Variants in FARS2 observed in about 807,000 individuals in gnomAD.
FARS2 encodes phenylalanine--tRNA ligase, mitochondrial.
A neutral mutation model predicts 46.4 loss-of-function variants in FARS2; 40 were observed. That is an observed-to-expected ratio of 0.86 (90% CI 0.67 to 1.12). The LOEUF (loss-of-function observed/expected upper bound fraction) is 1.12. Ranked by LOEUF, FARS2 falls within the 50% of genes most tolerant of loss-of-function variation. The pLI is 0.00. For synonymous variants in FARS2, 234 were observed against 214.9 expected, an observed-to-expected ratio of 1.09 and a Z score of -0.78; for missense variants, 513 against 567.9, an observed-to-expected ratio of 0.90 and a Z score of 0.98.
At chr6:5,617,171 G>C (rs911663680) in intron 6 of FARS2, among the ~76,000 whole-genome samples, 6 of 152,026 alleles carry the variant, frequency 3.9e-5, no homozygotes, top group Admixed American at 6.5e-5. Context: ...TAGAGTATTA[G>C]AAATACTCTT....
chr6:5,737,936 C>T (rs142627879), intron 6 of FARS2, among the ~76,000 whole-genome samples: 4 of 152,224 alleles, frequency 2.6e-5, no homozygotes, highest in East Asian at 1.9e-4. Context: ...CTTCAGAATT[C>T]GTTGTTATTA....
rs529769051 is a variant in FARS2 at position 5,473,315 on chromosome 6, A to G, written c.904+42143A>G. On this transcript the variant is annotated intron_variant, in intron 4 of 6. Coordinates refer to ENST00000274680, the MANE Select transcript of FARS2 (RefSeq NM_006567.5). Reference sequence around the variant, plus strand: ...GCCGAGGTGGGTGGATCACGAGGTCAGGAGATTGAGACCATCCTGGCTAAC... The same window carrying G: ...GCCGAGGTGGGTGGATCACGAGGTCGGGAGATTGAGACCATCCTGGCTAAC... Among the ~76,000 whole-genome samples, 387 of 152,066 alleles carry G rather than the reference A, an allele frequency of 2.5e-3. 3 individuals carry two copies. The highest frequency in any genetic ancestry group is 6.2e-3 in the African/African-American group (256 of 41,488).
At chr6:5,435,323 G>A (rs772212230) in intron 4 of FARS2, among the ~76,000 whole-genome samples, 4 of 152,226 alleles carry the variant, frequency 2.6e-5, no homozygotes, top group Non-Finnish European at 5.9e-5. Context: ...CACCATGTGT[G>A]TTCTCTCCCT....
chr6:5,314,110 AC>A (rs1769277208), intron 1 of FARS2, among the ~76,000 whole-genome samples: 1 of 152,194 alleles, frequency 6.6e-6, no homozygotes, highest in Admixed American at 6.5e-5. Flanking sequence ...AAAGTCTTTA[AC>A]CAGCAGTTCT....
rs116837005 is a variant in FARS2, at chr6:5,389,190, G to A, written c.613-15352G>A. Among the ~76,000 whole-genome samples, 507 of 152,214 alleles carry A rather than the reference G, an allele frequency of 3.3e-3. 5 individuals carry two copies. The highest frequency in any genetic ancestry group is 0.011 in the African/African-American group (468 of 41,518). Reference sequence around the variant, plus strand: ...GCTTGCAGAAATATTTTATGGCTTTGGACATAGCGTCATTCTTGGACAATG... The same window carrying A: ...GCTTGCAGAAATATTTTATGGCTTTAGACATAGCGTCATTCTTGGACAATG... On this transcript the variant is annotated intron_variant, in intron 2 of 6. Coordinates refer to ENST00000274680, the MANE Select transcript of FARS2 (RefSeq NM_006567.5).
chr6:5,336,747 A>AT (rs1771188154), intron 1 of FARS2, among the ~76,000 whole-genome samples: 1 of 151,734 alleles, frequency 6.6e-6, no homozygotes, highest in South Asian at 2.1e-4. Flanking sequence ...CATTCTTCCT[A>AT]TTTTTTCAGA....
At chr6:5,452,606 C>T (rs1017581872) in intron 4 of FARS2, 3 of 152,254 alleles carry the variant, frequency 2.0e-5, no homozygotes, top group South Asian at 2.1e-4. Flanking sequence ...CAGGGCTTCA[C>T]GCACACCTAA....
chr6:5,278,347 T>C (rs749154997), intron 1 of FARS2, among the ~76,000 whole-genome samples: 1 of 152,194 alleles, frequency 6.6e-6, no homozygotes, highest in Non-Finnish European at 1.5e-5. Flanking sequence ...AGCTTGGTAT[T>C]GTTGCCACGA....
chr6:5,278,326 T>C (rs1210377882), intron 1 of FARS2, among the ~76,000 whole-genome samples: 1 of 152,254 alleles, frequency 6.6e-6, no homozygotes, highest in East Asian at 1.9e-4. Context: ...ATAAGGAGGG[T>C]GTGTAGACAG....
chr6:5,552,036 G>C (rs1485877024), intron 5 of FARS2, among the ~76,000 whole-genome samples: 1 of 152,092 alleles, frequency 6.6e-6, no homozygotes, highest in Admixed American at 6.5e-5. Context: ...GTGGAAGGGG[G>C]CTATTATTTA....
intron 1 of FARS2, among the ~76,000 whole-genome samples, chr6:5,367,251 A>G (rs939513434): frequency 6.6e-6 from 1 of 152,260 alleles, no homozygotes. Context: ...ATGAAGTTAC[A>G]TATTTTCTTG....
chr6:5,671,594 G>A (rs778677240), intron 6 of FARS2, among the ~76,000 whole-genome samples: 29 of 152,316 alleles, frequency 1.9e-4, no homozygotes, highest in Non-Finnish European at 3.4e-4. Context: ...CAGTCTGGGC[G>A]TTATTTCTTC....
intron 6 of FARS2, among the ~76,000 whole-genome samples, chr6:5,669,400 C>T (rs1344419391): frequency 8.7e-6 from 1 of 115,532 alleles, no homozygotes; most frequent in Non-Finnish European, 1.8e-5. Context: ...GCCTATAAAA[C>T]CTTTTGTGGG....
At chr6:5,312,961 A>G (rs1051252138) in intron 1 of FARS2, among the ~76,000 whole-genome samples, 1 of 152,140 alleles carries the variant, frequency 6.6e-6, no homozygotes, top group Admixed American at 6.5e-5. Context: ...GGGATGTATG[A>G]ATTGCTGGAG....
At chr6:5,504,890 A>G (rs192880465) in intron 4 of FARS2, among the ~76,000 whole-genome samples, 7 of 152,264 alleles carry the variant, frequency 4.6e-5, no homozygotes, top group Admixed American at 1.3e-4. Flanking sequence ...CAGTGGCACA[A>G]TCTCGGCTCA....
At chr6:5,317,448 T>G (rs1769604443) in intron 1 of FARS2, among the ~76,000 whole-genome samples, 1 of 152,160 alleles carries the variant, frequency 6.6e-6, no homozygotes, top group South Asian at 2.1e-4. Flanking sequence ...CTTCTGCAGC[T>G]CAGACTCTGA....
intron 6 of FARS2, among the ~76,000 whole-genome samples, chr6:5,714,620 C>A (rs1321436370): frequency 6.6e-6 from 1 of 152,128 alleles, no homozygotes; most frequent in African/African-American, 2.4e-5. Flanking sequence ...CAAAGGAAGA[C>A]TTTTGTGAGC....
intron 1 of FARS2, among the ~76,000 whole-genome samples, chr6:5,286,027 T>A (rs1488012252): frequency 3.4e-5 from 5 of 146,228 alleles, no homozygotes; most frequent in African/African-American, 5.3e-5. Flanking sequence ...ATGTGATAGC[T>A]GTTCCCTTCT....
upstream of FARS2, chr6:5,260,983 A>C: frequency 1.7e-6 from 2 of 1,163,084 alleles, no homozygotes; most frequent in East Asian, 4.7e-5. Context: ...TGGGAGGGAG[A>C]TGCCTCCGCC....
Sources: gnomAD v4.1 joint callset for allele counts (sites outside exome capture counted in the v4.1 genomes callset) on GRCh38, gnomAD v4.1.1 for gene constraint, MANE v1.5 for transcripts, NCBI Gene and HGNC (gene_info 2026-07-23, HGNC 2026-07-21) for gene names.